The following ADAM10 variants were observed in gnomAD, a reference collection of about 807,000 sequenced individuals.
The protein encoded by ADAM10 is disintegrin and metalloproteinase domain-containing protein 10.
A neutral mutation model predicts 90.1 loss-of-function variants in ADAM10; 17 were observed. The observed-to-expected ratio is 0.19, with a 90% CI of 0.13 to 0.28. ADAM10 has a LOEUF of 0.28. ADAM10 is among the 10% of genes least tolerant of loss of function. The pLI is 1.00. For missense variants in ADAM10, 610 were observed against 914.3 expected (o/e 0.67, Z 4.29); for synonymous variants, 310 against 298.6 (o/e 1.04, Z -0.40).
intron 2 of ADAM10, among the ~76,000 whole-genome samples, chr15:58,704,734 G>A (rs1898231063): frequency 6.6e-6 from 1 of 152,164 alleles, no homozygotes; most frequent in African/African-American, 2.4e-5. Flanking sequence ...GAGGCTTGCA[G>A]TTTTCAGAGC....
rs146339126 is a variant in ADAM10, at chr15:58,740,142, G to T, written c.55+9338C>A. On this transcript the variant is annotated intron_variant, in intron 1 of 15. Coordinates refer to ENST00000260408, the MANE Select transcript of ADAM10 (RefSeq NM_001110.4). ...AACAGCAATATCAAAGCTCGGCATG[G>T]TGGCTCATGCCTGTAATCCCAAAAC... is the stretch of plus-strand genomic sequence containing the variant. Among the ~76,000 whole-genome samples the T allele has an allele frequency of 2.6e-4, 39 of 152,212 alleles. No individual in the cohort carries two copies. In the East Asian group the frequency reaches 7.1e-3, roughly 28 times the overall value.
intron 4 of ADAM10, among the ~76,000 whole-genome samples, chr15:58,667,281 T>C (rs1428733020): frequency 6.6e-6 from 1 of 152,166 alleles, no homozygotes; most frequent in Non-Finnish European, 1.5e-5. Context: ...AGTACATATA[T>C]TGTGACTCTA....
intron 1 of ADAM10, among the ~76,000 whole-genome samples, chr15:58,722,726 CT>C (rs71116592): frequency 0.013 from 1,329 of 103,988 alleles, 11 homozygotes; most frequent in African/African-American, 0.043. Context: ...AATTTGAGAA[CT>C]TTTTTTTTTT....
intron 11 of ADAM10, among the ~76,000 whole-genome samples, chr15:58,614,613 AT>A (rs1424578942): frequency 6.6e-6 from 1 of 152,202 alleles, no homozygotes; most frequent in African/African-American, 2.4e-5. Flanking sequence ...TAGTTTACAA[AT>A]TAGCAGCCAA....
chr15:58,730,497 AC>A (rs1490576684), intron 1 of ADAM10, among the ~76,000 whole-genome samples: 27 of 151,416 alleles, frequency 1.8e-4, no homozygotes, highest in Non-Finnish European at 3.4e-4. Context: ...GTTTCATCCT[AC>A]AAAATGTTAC....
At position 58,715,283 on chromosome 15, in the gene ADAM10, A is replaced by G. The variant is rs555371932; in HGVS notation, c.206+2294T>C. ...CTAAAAATACAAAAATTAGCCGGGC[A>G]TGGTGGCGCACACCTGTAGTCCCAG... On this transcript the variant is annotated intron_variant, in intron 2 of 15. Transcript: ENST00000260408. 9.2e-5 allele frequency among the ~76,000 whole-genome samples: 14 copies of G among 151,934 alleles called. No homozygotes were observed. The East Asian group carries it at 2.3e-3, about 25-fold the overall frequency.
chr15:58,657,888 G>GC (rs1896868622), intron 5 of ADAM10, among the ~76,000 whole-genome samples: 1 of 141,468 alleles, frequency 7.1e-6, no homozygotes, highest in South Asian at 2.2e-4. Context: ...TGGGGTTTGT[G>GC]TTTTTTTTTT....
chr15:58,610,181 A>T (rs1416960467), intron 14 of ADAM10, 116 bp downstream of exon 14: 1 of 825,678 alleles, frequency 1.2e-6, no homozygotes, highest in Non-Finnish European at 2.0e-6. Flanking sequence ...TCTTCATATA[A>T]AGTAATTCTA....
chr15:58,626,097 A>C (rs1347918647), intron 10 of ADAM10, among the ~76,000 whole-genome samples: 3 of 152,128 alleles, frequency 2.0e-5, no homozygotes, highest in African/African-American at 7.2e-5. Context: ...ACATAAATCT[A>C]CGCATGTAAT....
chr15:58,725,102 T>C (rs1044634657), intron 1 of ADAM10, among the ~76,000 whole-genome samples: 1 of 151,914 alleles, frequency 6.6e-6, no homozygotes, highest in Non-Finnish European at 1.5e-5. Flanking sequence ...GGTAGGAGGA[T>C]TGCTTGAAGC....
intron 5 of ADAM10, among the ~76,000 whole-genome samples, chr15:58,661,321 T>C (rs1896961894): frequency 6.6e-6 from 1 of 152,324 alleles, no homozygotes; most frequent in Non-Finnish European, 1.5e-5. Context: ...CTTCCTTTAA[T>C]GTTTCTTACA....
intron 11 of ADAM10, among the ~76,000 whole-genome samples, chr15:58,620,754 C>T (rs1315818167): frequency 2.2e-5 from 1 of 44,560 alleles, no homozygotes; most frequent in Non-Finnish European, 3.3e-5. Flanking sequence ...CTGCAAGCTC[C>T]GCTTCCCGGG....
At chr15:58,745,776 G>C (rs1899771787) in intron 1 of ADAM10, among the ~76,000 whole-genome samples, 1 of 152,102 alleles carries the variant, frequency 6.6e-6, no homozygotes. Flanking sequence ...TGTATCATTA[G>C]GAATGATGGG....
chr15:58,599,862 A>T, intron 14 of ADAM10, 138 bp from the exon 15 acceptor site: 2 of 750,180 alleles, frequency 2.7e-6, no homozygotes, highest in Non-Finnish European at 2.1e-6. Flanking sequence ...AGTTGTATAC[A>T]TATGTTAGAT....
At chr15:58,610,567 T>C (rs372119313) in intron 13 of ADAM10, 50 bp from the exon 14 acceptor site, 8 of 1,561,406 alleles carry the variant, frequency 5.1e-6, no homozygotes, top group African/African-American at 2.7e-5. Flanking sequence ...CAAATATAAG[T>C]TGAAGATCAG....
chr15:58,620,297 C>T (rs1895741421), intron 11 of ADAM10, among the ~76,000 whole-genome samples: 1 of 151,988 alleles, frequency 6.6e-6, no homozygotes. Context: ...GAAACCCCAA[C>T]TCTACTAAAA....
At chr15:58,744,316 T>C (rs781710534) in intron 1 of ADAM10, among the ~76,000 whole-genome samples, 4 of 152,190 alleles carry the variant, frequency 2.6e-5, no homozygotes, top group East Asian at 1.9e-4. Context: ...ACAGAAGATT[T>C]AGAATTTATT....
intron 4 of ADAM10, among the ~76,000 whole-genome samples, chr15:58,668,557 T>C (rs532738705): frequency 2.6e-5 from 4 of 152,130 alleles, no homozygotes; most frequent in Admixed American, 6.5e-5. Context: ...CAATCAAAAG[T>C]CTACCCCTTA....
At chr15:58,624,076 G>C (rs1025009969) in intron 10 of ADAM10, among the ~76,000 whole-genome samples, 40 of 151,424 alleles carry the variant, frequency 2.6e-4, no homozygotes, top group South Asian at 6.2e-4. Flanking sequence ...ACAAGGTCAA[G>C]AGATTGAGAC....
Sources: gnomAD v4.1 joint callset for allele counts (sites outside exome capture counted in the v4.1 genomes callset) on GRCh38, gnomAD v4.1.1 for gene constraint, MANE v1.5 for transcripts, NCBI Gene and HGNC (gene_info 2026-07-23, HGNC 2026-07-21) for gene names.